The following SMYD1 variants were observed in gnomAD, a reference collection of about 807,000 sequenced individuals.
SMYD1 encodes the protein histone-lysine N-methyltransferase SMYD1.
SMYD1 carries 49 observed loss-of-function variants against 54.0 expected under a neutral mutation model. The observed-to-expected ratio is 0.91, with a 90% CI of 0.72 to 1.15. SMYD1 has a LOEUF of 1.15. Ranked by LOEUF, SMYD1 falls within the 50% of genes most tolerant of loss-of-function variation. The pLI, the probability that SMYD1 is intolerant of heterozygous loss-of-function variation, is 0.00. For synonymous variants in SMYD1, 269 were observed against 234.2 expected (o/e 1.15, Z -1.36); for missense variants, 653 against 639.6 (o/e 1.02, Z -0.23).
At chr2:88,108,346 A>T in intron 8 of SMYD1, 25 bp from the exon 9 acceptor site, 1 of 1,543,262 alleles carries the variant, frequency 6.5e-7, no homozygotes, top group South Asian at 1.3e-5. Flanking sequence ...GGTATGATGT[A>T]TAATTATCTG....
chr2:88,094,803 G>A (rs939358996), intron 5 of SMYD1, among the ~76,000 whole-genome samples: 2 of 152,084 alleles, frequency 1.3e-5, no homozygotes, highest in African/African-American at 4.8e-5. Flanking sequence ...ATGGTGGGCT[G>A]CCTCTGTAAA....
intron 6 of SMYD1, among the ~76,000 whole-genome samples, chr2:88,100,807 A>G (rs1381768826): frequency 6.6e-6 from 1 of 152,222 alleles, no homozygotes; most frequent in Non-Finnish European, 1.5e-5. Context: ...GGTCAAGGCA[A>G]AAGTTAAGCT....
chr2:88,079,855 G>C (rs1674149389), intron 1 of SMYD1, among the ~76,000 whole-genome samples: 1 of 152,048 alleles, frequency 6.6e-6, no homozygotes, highest in South Asian at 2.1e-4. Flanking sequence ...AAGTCAATCT[G>C]TTTTTTGTTA....
chr2:88,094,658 A>C (rs1456983311), intron 5 of SMYD1, among the ~76,000 whole-genome samples: 1 of 152,174 alleles, frequency 6.6e-6, no homozygotes, highest in Non-Finnish European at 1.5e-5. Context: ...GGTTTTGAAA[A>C]ATTTCTAATA....
intron 5 of SMYD1, among the ~76,000 whole-genome samples, chr2:88,095,111 C>T (rs1198978912): frequency 2.0e-5 from 3 of 152,106 alleles, no homozygotes; most frequent in South Asian, 2.1e-4. Context: ...GGACCTATCC[C>T]TCTTGTGTCA....
chr2:88,077,721 TC>T (rs375789975), intron 1 of SMYD1, among the ~76,000 whole-genome samples: 1 of 148,998 alleles, frequency 6.7e-6, no homozygotes, highest in Non-Finnish European at 1.5e-5. Context: ...GGTGGGCATT[TC>T]TTTTTTTTTT....
intron 5 of SMYD1, among the ~76,000 whole-genome samples, chr2:88,095,355 C>A (rs1396332405): frequency 6.6e-6 from 1 of 152,198 alleles, no homozygotes; most frequent in Non-Finnish European, 1.5e-5. Flanking sequence ...CATTAATAGG[C>A]ATGTCAGTGT....
chr2:88,085,007 C>T (rs1021583822), intron 2 of SMYD1, among the ~76,000 whole-genome samples: 2 of 152,146 alleles, frequency 1.3e-5, no homozygotes, highest in Non-Finnish European at 2.9e-5. Context: ...GTCTCGGCCT[C>T]CCAAAGTGCT....
intron 9 of SMYD1, 114 bp downstream of exon 9, chr2:88,108,653 AAAGGGAAC>A: frequency 3.7e-6 from 4 of 1,088,548 alleles, no homozygotes; most frequent in Non-Finnish European, 5.0e-6. Context: ...CAGCTAGACA[AAAGGGAAC>A]TCAGAAACGC....
chr2:88,106,510 C>CAA, intron 8 of SMYD1, 22 bp downstream of exon 8: 1 of 1,605,886 alleles, frequency 6.2e-7, no homozygotes. Context: ...TTCTAGGTCT[C>CAA]AGATAGTCTC....
intron 1 of SMYD1, among the ~76,000 whole-genome samples, chr2:88,072,219 C>T (rs184180708): frequency 4.0e-5 from 6 of 150,994 alleles, no homozygotes; most frequent in African/African-American, 9.8e-5. Context: ...GGTGAGATCT[C>T]GGCTCACTGC....
intron 6 of SMYD1, 46 bp downstream of exon 6, chr2:88,096,830 G>A (rs771327358): frequency 5.1e-6 from 8 of 1,571,650 alleles, no homozygotes; most frequent in Middle Eastern, 2.0e-4. Flanking sequence ...GTCTTCTCCG[G>A]GAGCCAGTCA....
intron 6 of SMYD1, 137 bp downstream of exon 6, chr2:88,096,921 C>A: frequency 1.2e-6 from 1 of 852,690 alleles, no homozygotes; most frequent in Non-Finnish European, 1.8e-6. Context: ...GGAGGCAGGG[C>A]ATGAGAGCAG....
Position 88,111,423 on chromosome 2 carries a change from C to G in SMYD1, c.*911C>G, listed in dbSNP as rs1382589892. Reference sequence around the variant, plus strand: ...GAGAGAATCTTGGAAACACACATACCTGTTGATCATGGGCCCTGCAGAATT... The same window carrying G: ...GAGAGAATCTTGGAAACACACATACGTGTTGATCATGGGCCCTGCAGAATT... On this transcript the variant is annotated 3_prime_UTR_variant, in exon 10 of 10. Transcript: ENST00000419482. The G allele has an allele frequency of 2.6e-5, 4 of 152,202 alleles. No homozygotes were observed. The highest frequency in any genetic ancestry group is 5.9e-5 in the Non-Finnish European group (4 of 68,044). The allele number at this position is 152,202 out of a possible 1,614,324, so 9.4% of individuals were successfully genotyped here.
intron 1 of SMYD1, chr2:88,083,118 C>T (rs113610754): frequency 6.6e-6 from 1 of 152,156 alleles, no homozygotes; most frequent in Non-Finnish European, 1.5e-5. Context: ...CCTGTTTAGA[C>T]TGTGGACATC....
rs760581291 is a variant in SMYD1, at chr2:88,103,137, G to T, written c.968G>T (p.Gly323Val). 3.7e-6 allele frequency: 6 copies of T among 1,607,580 alleles called. No homozygotes were observed. In the African/African-American group the frequency reaches 4.0e-5, roughly 11 times the overall value. Residue 323 changes from glycine to valine, a missense_variant, in exon 7 of 10, where the codon GGT becomes GTT. Gly to Val is a moderately radical substitution (Grantham distance 109, BLOSUM62 -3). Transcript: ENST00000419482. ...AAGATAGACAAGGCTCGTTCCGAGG[G>T]TTTGTATCATGAGGTAAGAATTCAC... ...LEKIDKARSE[G>V]LYHEVVKLCR...
At position 88,112,125 on chromosome 2, in the gene SMYD1, T is replaced by C. The variant is rs1168241105; in HGVS notation, c.*1613T>C. 11 of 703,320 alleles carry C rather than the reference T, an allele frequency of 1.6e-5. No homozygotes were observed. The highest frequency in any genetic ancestry group is 2.6e-5 in the Non-Finnish European group (10 of 385,116). 43.6% of individuals were successfully genotyped at this position (703,320 alleles called of 1,614,324 possible). On this transcript the variant is annotated 3_prime_UTR_variant, in exon 10 of 10. Coordinates refer to ENST00000419482, the MANE Select transcript of SMYD1 (RefSeq NM_198274.4). ...AGGTTTTACAAGAAGACTGATAGTCTTTCAAGCCCCCACATCACAGGCTTA... is the reference window on the plus strand; with the variant it reads ...AGGTTTTACAAGAAGACTGATAGTCCTTCAAGCCCCCACATCACAGGCTTA...
intron 6 of SMYD1, among the ~76,000 whole-genome samples, chr2:88,102,027 T>C (rs1674732661): frequency 6.6e-6 from 1 of 152,238 alleles, no homozygotes; most frequent in African/African-American, 2.4e-5. Context: ...TTCCCCCAGA[T>C]ACTAACTGTA....
At chr2:88,070,146 C>A (rs913384751) in intron 1 of SMYD1, among the ~76,000 whole-genome samples, 19 of 151,472 alleles carry the variant, frequency 1.3e-4, no homozygotes, top group African/African-American at 4.4e-4. Flanking sequence ...AATGCTTTAC[C>A]CAAACTTGTC....
Sources: gnomAD v4.1 joint callset for allele counts (sites outside exome capture counted in the v4.1 genomes callset) on GRCh38, gnomAD v4.1.1 for gene constraint, MANE v1.5 for transcripts, NCBI Gene and HGNC (gene_info 2026-07-23, HGNC 2026-07-21) for gene names.